Variants in RAD51B observed in about 807,000 individuals in gnomAD.
RAD51B encodes DNA repair protein RAD51 homolog 2.
A neutral mutation model predicts 42.2 loss-of-function variants in RAD51B; 38 were observed. The ratio of observed to expected loss-of-function variants is 0.90; its 90% CI spans 0.70 to 1.18. The LOEUF is 1.18. RAD51B is among the 50% of genes most tolerant of loss of function. RAD51B has a pLI of 0.00. For synonymous variants in RAD51B, 154 were observed against 145.2 expected, an observed-to-expected ratio of 1.06 and a Z score of -0.43; for missense variants, 373 against 400.7, an observed-to-expected ratio of 0.93 and a Z score of 0.59.
intron 11 of RAD51B, among the ~76,000 whole-genome samples, chr14:68,670,941 G>A (rs1424694572): frequency 1.3e-5 from 2 of 152,170 alleles, no homozygotes; most frequent in Non-Finnish European, 2.9e-5. Context: ...TGGGCTCACA[G>A]ACCCTCCAAG....
At chr14:68,325,596 T>C (rs184031340) in intron 8 of RAD51B, among the ~76,000 whole-genome samples, 146 of 151,936 alleles carry the variant, frequency 9.6e-4, no homozygotes, top group African/African-American at 3.4e-3. Context: ...TTAAAAAGAG[T>C]TGTTCCATTT....
At chr14:68,029,207 G>A (rs1026368537) in intron 7 of RAD51B, among the ~76,000 whole-genome samples, 3 of 152,274 alleles carry the variant, frequency 2.0e-5, no homozygotes, top group Non-Finnish European at 2.9e-5. Context: ...CTGAAGATCC[G>A]TTCAAATTGT....
chr14:68,090,851 C>G, intron 7 of RAD51B, among the ~76,000 whole-genome samples: 1 of 107,650 alleles, frequency 9.3e-6, no homozygotes, highest in Middle Eastern at 6.5e-3. Flanking sequence ...TCCCTCCCCC[C>G]TCCCCCCACC....
intron 9 of RAD51B, among the ~76,000 whole-genome samples, chr14:68,437,613 C>A (rs1039065132): frequency 6.6e-6 from 1 of 152,144 alleles, no homozygotes; most frequent in Non-Finnish European, 1.5e-5. Context: ...ATTTTTTCAT[C>A]CTTCATATCC....
At chr14:68,127,510 G>A (rs146155995) in intron 7 of RAD51B, among the ~76,000 whole-genome samples, 98 of 152,058 alleles carry the variant, frequency 6.4e-4, no homozygotes, top group African/African-American at 1.9e-3. Flanking sequence ...TCAGTGAATG[G>A]TGGCCTTGAG....
At chr14:68,248,241 A>C (rs1318599093) in intron 7 of RAD51B, among the ~76,000 whole-genome samples, 1 of 152,188 alleles carries the variant, frequency 6.6e-6, no homozygotes, top group Admixed American at 6.5e-5. Context: ...TTCCTTGTCC[A>C]GTTCCAGTTT....
rs144902733 is a variant in RAD51B at position 68,249,116 on chromosome 14, G to A, written c.757-42768G>A. On this transcript the variant is annotated intron_variant, in intron 7 of 10. Coordinates refer to ENST00000471583, the MANE Select transcript of RAD51B (RefSeq NM_133510.4). The stretch of plus-strand genomic sequence containing the variant: ...CTGATCCTGGTTCAGCTCTGTCACC[G>A]GTTTGGAAATACTGCCGTGCAGTCG... Among the ~76,000 whole-genome samples the A allele has an allele frequency of 1.9e-4, 29 of 152,338 alleles. No individual in the cohort carries two copies. In the East Asian group the frequency reaches 5.0e-3, roughly 26 times the overall value.
At chr14:68,310,866 A>C (rs2081955795) in intron 8 of RAD51B, among the ~76,000 whole-genome samples, 1 of 152,148 alleles carries the variant, frequency 6.6e-6, no homozygotes. Flanking sequence ...TAATTAATTA[A>C]AAATTAAGAA....
chr14:68,563,714 T>C (rs969080865), intron 10 of RAD51B: 2 of 985,402 alleles, frequency 2.0e-6, no homozygotes, highest in Admixed American at 6.1e-5. Context: ...GCTCCTTTTC[T>C]AAATGGGAAC....
chr14:68,059,358 G>A (rs1168465494), intron 7 of RAD51B, among the ~76,000 whole-genome samples: 4 of 152,130 alleles, frequency 2.6e-5, no homozygotes, highest in South Asian at 2.1e-4. Context: ...TCTTACCCAC[G>A]CCTAGAGTTT....
Position 67,921,567 on chromosome 14 carries a change from TCACACACACACACACACACACA to T in RAD51B, c.756+34398_756+34419del, listed in dbSNP as rs3219795. Among the ~76,000 whole-genome samples the T allele has an allele frequency of 2.2e-3, 281 of 125,946 alleles. 8 individuals carry two copies. In the South Asian group the frequency reaches 0.07, roughly 31 times the overall value. 82.6% of individuals were successfully genotyped at this position (125,946 alleles called of 152,430 possible). A position where few individuals can be genotyped will look rare whatever the true frequency, so the allele number is the denominator to read the frequency against. On this transcript the variant is annotated intron_variant, in intron 7 of 10. Coordinates refer to ENST00000471583, the MANE Select transcript of RAD51B (RefSeq NM_133510.4). ...CTATGTGCATGTACATATGTGCACA[TCACACACACACACACACACACA>T]CACACACACACACACACACACACAC...
chr14:68,399,173 G>T (rs1227013314), intron 8 of RAD51B, among the ~76,000 whole-genome samples: 2 of 151,972 alleles, frequency 1.3e-5, no homozygotes, highest in Admixed American at 6.6e-5. Context: ...ATTTTTTTGG[G>T]GGGGAAGGAG....
chr14:68,017,964 C>T (rs945641956), intron 7 of RAD51B, among the ~76,000 whole-genome samples: 4 of 139,340 alleles, frequency 2.9e-5, no homozygotes, highest in East Asian at 4.2e-4. Context: ...AGCAAGACTC[C>T]GTCTCGAATA....
rs550061604 is a variant in RAD51B, at chr14:68,528,482, T to C, written c.1036+60232T>C. ...ACATAAATCATAAAGTATAAATAAATTAAGTTTTATCTGATCTCTTGTAAA... is the reference window on the plus strand; with the variant it reads ...ACATAAATCATAAAGTATAAATAAACTAAGTTTTATCTGATCTCTTGTAAA... On this transcript the variant is annotated intron_variant, in intron 10 of 10. Transcript: ENST00000487270. Among the ~76,000 whole-genome samples the C allele has an allele frequency of 3.3e-5, 5 of 152,338 alleles. No homozygotes were observed. The South Asian group carries it at 1.0e-3, about 32-fold the overall frequency.
intron 7 of RAD51B, among the ~76,000 whole-genome samples, chr14:67,950,982 G>A (rs755122145): frequency 2.6e-5 from 4 of 152,132 alleles, no homozygotes; most frequent in East Asian, 1.9e-4. Flanking sequence ...GTTTGACATC[G>A]TACAGGAGTG....
At chr14:68,532,742 T>C (rs1887389985) in intron 10 of RAD51B, among the ~76,000 whole-genome samples, 1 of 152,166 alleles carries the variant, frequency 6.6e-6, no homozygotes, top group African/African-American at 2.4e-5. Flanking sequence ...AGGCACTTGA[T>C]ACCAAACCTA....
intron 7 of RAD51B, among the ~76,000 whole-genome samples, chr14:68,245,363 G>A (rs1447481092): frequency 2.0e-5 from 3 of 152,152 alleles, no homozygotes; most frequent in African/African-American, 7.2e-5. Flanking sequence ...ACATGGAAGT[G>A]GTGCCTTATG....
At chr14:68,507,261 G>A (rs1011190816) in intron 10 of RAD51B, among the ~76,000 whole-genome samples, 5 of 152,160 alleles carry the variant, frequency 3.3e-5, no homozygotes, top group Non-Finnish European at 7.3e-5. Context: ...ATCTGCTCGG[G>A]CCAGTGGCAG....
At chr14:68,535,605 C>T (rs1887570275) in intron 10 of RAD51B, among the ~76,000 whole-genome samples, 1 of 152,158 alleles carries the variant, frequency 6.6e-6, no homozygotes, top group Admixed American at 6.5e-5. Flanking sequence ...CAGATTCCAA[C>T]TACAAAAATC....
Sources: allele counts gnomAD v4.1 joint callset (sites outside exome capture counted in the v4.1 genomes callset), GRCh38; gene constraint gnomAD v4.1.1; transcripts MANE v1.5; gene names NCBI Gene and HGNC (gene_info 2026-07-23, HGNC 2026-07-21).